The following CAPN8 variants were observed in gnomAD, a reference collection of about 807,000 sequenced individuals.
The protein encoded by CAPN8 is calpain-8.
CAPN8 carries 87 observed loss-of-function variants against 80.9 expected under a neutral mutation model. The ratio of observed to expected loss-of-function variants is 1.07; its 90% CI spans 0.90 to 1.28. The LOEUF (loss-of-function observed/expected upper bound fraction) is 1.28, where lower values mean the gene tolerates loss of function less well. CAPN8 is among the 50% of genes most tolerant of loss of function. CAPN8 has a pLI of 0.00. For missense variants in CAPN8, 757 were observed against 702.0 expected, an observed-to-expected ratio of 1.08 and a Z score of -0.89; for synonymous variants, 299 against 273.8, an observed-to-expected ratio of 1.09 and a Z score of -0.91.
At chr1:223,626,839 C>A in intron 5 of CAPN8, 150 bp downstream of exon 5, 2 of 751,102 alleles carry the variant, frequency 2.7e-6, no homozygotes, top group Non-Finnish European at 2.1e-6. Flanking sequence ...ATGTTCAGGC[C>A]TTTGTGTCAC....
chr1:223,655,571 G>A (rs1658465099), intron 1 of CAPN8, among the ~76,000 whole-genome samples: 1 of 152,154 alleles, frequency 6.6e-6, no homozygotes, highest in Admixed American at 6.5e-5. Flanking sequence ...GCTGTATATA[G>A]CAAACCAAGA....
chr1:223,658,012 G>A (rs1356249357), intron 1 of CAPN8, among the ~76,000 whole-genome samples: 1 of 151,946 alleles, frequency 6.6e-6, no homozygotes, highest in Non-Finnish European at 1.5e-5. Context: ...TCTCCTTCAT[G>A]CATTCTTCTA....
intron 11 of CAPN8, 127 bp downstream of exon 11, chr1:223,612,119 T>A: frequency 1.3e-6 from 1 of 773,412 alleles, no homozygotes; most frequent in Non-Finnish European, 1.8e-6. Context: ...GATTCATGAC[T>A]GGATCATGTG....
intron 20 of CAPN8, among the ~76,000 whole-genome samples, chr1:223,542,103 C>T (rs565989862): frequency 6.6e-6 from 1 of 151,782 alleles, no homozygotes; most frequent in East Asian, 1.9e-4. Flanking sequence ...TAGGTATGTG[C>T]ATGTATATTC....
At chr1:223,615,407 C>G (rs966978242) in intron 10 of CAPN8, among the ~76,000 whole-genome samples, 5 of 152,232 alleles carry the variant, frequency 3.3e-5, no homozygotes, top group Non-Finnish European at 7.3e-5. Flanking sequence ...GCCAGGAAAA[C>G]TGGCATATTA....
At position 223,625,811 on chromosome 1, in the gene CAPN8, G is replaced by A. The variant is rs536980032; in HGVS notation, c.807C>T (p.Val269=). Residue 269 remains valine, a synonymous_variant, in exon 6 of 21, where the codon GTC becomes GTT. Coordinates refer to ENST00000366872, the MANE Select transcript of CAPN8 (RefSeq NM_001143962.2). ...VKSHAYSVTG[V]EEVNFQGHPE... ...ACCTTCCACACAATTTTACCTCTTC[G>A]ACTCCAGTGACAGAGTACGCATGAC... 2.2e-5 allele frequency: 34 copies of A among 1,549,594 alleles called. 1 individual carries two copies. Among genetic ancestry groups the A allele is most frequent in the South Asian group, 6.0e-5 (5 of 83,918 alleles).
intron 4 of CAPN8, 99 bp downstream of exon 4, chr1:223,627,910 A>T: frequency 7.3e-7 from 1 of 1,366,652 alleles, no homozygotes; most frequent in Non-Finnish European, 9.7e-7. Context: ...AGACGCCATG[A>T]CGCCCTGAGT....
Position 223,654,356 on chromosome 1 carries a change from C to A in CAPN8, c.281G>T (p.Arg94Leu), listed in dbSNP as rs780035684. The change falls in exon 2 of 21, where the codon CGC (arginine) becomes CTC (leucine). Residue 94 changes from arginine (R) to leucine (L), a missense_variant. Arg to Leu is a moderately radical substitution (Grantham distance 102, BLOSUM62 -2). Coordinates refer to ENST00000366872, the MANE Select transcript of CAPN8 (RefSeq NM_001143962.2). ...TAGACCACCCTGACAAATGTCTGTG[C>A]GCGTGGCTCCACCAACGATAAACTG... ...SPQFIVGGATRTDICQGGLGD... is the reference protein window; with the variant it reads ...SPQFIVGGATLTDICQGGLGD... The A allele has an allele frequency of 1.9e-6, 3 of 1,551,520 alleles. No homozygotes were observed. The highest frequency in any genetic ancestry group is 1.4e-5 in the African/African-American group (1 of 73,040).
intron 1 of CAPN8, among the ~76,000 whole-genome samples, chr1:223,664,225 G>A (rs984887490): frequency 6.6e-6 from 1 of 152,156 alleles, no homozygotes; most frequent in Non-Finnish European, 1.5e-5. Context: ...CCTTCCGTCT[G>A]CATCCACAGA....
chr1:223,615,853 A>G (rs1299979109), intron 10 of CAPN8, 117 bp downstream of exon 10: 5 of 1,261,764 alleles, frequency 4.0e-6, no homozygotes, highest in Non-Finnish European at 4.5e-6. Context: ...AGGAGCAAGG[A>G]CGCTTCTCGA....
intron 10 of CAPN8, among the ~76,000 whole-genome samples, chr1:223,612,653 A>T (rs1447420178): frequency 1.3e-5 from 2 of 152,092 alleles, no homozygotes; most frequent in South Asian, 2.1e-4. Flanking sequence ...ATCTCACTCA[A>T]CCTGAGCCAT....
intron 12 of CAPN8, among the ~76,000 whole-genome samples, 170 bp from the exon 13 acceptor site, chr1:223,558,337 C>G (rs1311777921): frequency 1.3e-5 from 2 of 152,224 alleles, no homozygotes; most frequent in Non-Finnish European, 2.9e-5. Flanking sequence ...ATTCCTCTCC[C>G]TTGCCTCCTC....
chr1:223,542,424 C>T (rs988287600), intron 20 of CAPN8, among the ~76,000 whole-genome samples: 3 of 152,110 alleles, frequency 2.0e-5, no homozygotes, highest in Admixed American at 6.5e-5. Context: ...TCCTGGGCTA[C>T]AGGAAAGAGG....
intron 13 of CAPN8, among the ~76,000 whole-genome samples, chr1:223,557,572 G>A (rs990297176): frequency 2.5e-4 from 38 of 152,166 alleles, no homozygotes; most frequent in Non-Finnish European, 4.6e-4. Flanking sequence ...GAGGAATAAA[G>A]GGAGTGAGGT....
At position 223,619,324 on chromosome 1, in the gene CAPN8, G is replaced by A; in HGVS notation, c.1104C>T (p.Gly368=). Residue 368 remains glycine (G), a synonymous_variant, in exon 9 of 21, where the codon GGC becomes GGT. Coordinates refer to ENST00000366872, the MANE Select transcript of CAPN8 (RefSeq NM_001143962.2). The part of the protein sequence containing the change: ...LVLFNGHWTR[G]STAGGCQNYP... ...AGTTCTGGCAGCCCCCAGCTGTGGA[G>A]CCCCGGGTCCAGTGGCCGTTGAACA... The A allele has an allele frequency of 6.4e-7, 1 of 1,551,714 alleles. No homozygotes were observed. The highest frequency in any genetic ancestry group is 8.7e-7 in the Non-Finnish European group (1 of 1,147,010).
chr1:223,632,497 C>A (rs915728168), intron 2 of CAPN8, among the ~76,000 whole-genome samples: 9 of 152,198 alleles, frequency 5.9e-5, no homozygotes, highest in African/African-American at 2.2e-4. Flanking sequence ...CTCAGCCTCC[C>A]AAATTGCTGG....
At chr1:223,617,100 G>A (rs957341560) in intron 9 of CAPN8, 6 of 152,060 alleles carry the variant, frequency 3.9e-5, no homozygotes, top group East Asian at 3.9e-4. Context: ...TGATGTGCCC[G>A]GGAGGAAAAA....
intron 15 of CAPN8, among the ~76,000 whole-genome samples, chr1:223,550,030 A>G (rs1194797929): frequency 6.6e-6 from 1 of 152,184 alleles, no homozygotes; most frequent in Non-Finnish European, 1.5e-5. Context: ...ATCACAACAC[A>G]CAGCCACTCA....
chr1:223,638,117 G>A (rs999387931), intron 2 of CAPN8, among the ~76,000 whole-genome samples: 6 of 152,104 alleles, frequency 3.9e-5, no homozygotes, highest in African/African-American at 1.4e-4. Context: ...TACTGAACAT[G>A]TACAGACTTT....
Sources: gnomAD v4.1 joint callset for allele counts (sites outside exome capture counted in the v4.1 genomes callset) on GRCh38, gnomAD v4.1.1 for gene constraint, MANE v1.5 for transcripts, NCBI Gene and HGNC (gene_info 2026-07-23, HGNC 2026-07-21) for gene names.